CELF2: variants seen among roughly 807,000 people sequenced by gnomAD.
CELF2 encodes CUGBP Elav-like family member 2, also known as CUG triplet repeat RNA-binding protein 2.
CELF2 carries 8 observed loss-of-function variants against 62.6 expected under a neutral mutation model. That is an observed-to-expected ratio of 0.13 (90% CI 0.07 to 0.23). CELF2 has a LOEUF of 0.23. Among genes scored for constraint, CELF2 ranks in the 10% least tolerant of loss-of-function variants. The probability of loss-of-function intolerance (pLI) is 1.00; values close to 1 mark genes in which losing one functional copy is unlikely to be tolerated. For synonymous variants in CELF2, 258 were observed against 250.0 expected (o/e 1.03, Z -0.30); for missense variants, 333 against 671.0 (o/e 0.50, Z 5.56).
At chr10:11,298,187 C>G (rs945869224) in intron 9 of CELF2, among the ~76,000 whole-genome samples, 1 of 152,220 alleles carries the variant, frequency 6.6e-6, no homozygotes, top group Non-Finnish European at 1.5e-5. Flanking sequence ...AGCTCAGCCT[C>G]CAGCGTGTCC....
At chr10:11,132,971 G>A (rs548352460) in intron 1 of CELF2, among the ~76,000 whole-genome samples, 1 of 152,276 alleles carries the variant, frequency 6.6e-6, no homozygotes, top group East Asian at 1.9e-4. Flanking sequence ...ACACTAATAT[G>A]AGCAGGGATG....
At chr10:10,879,837 C>T (rs1306656445) in intron 1 of CELF2, among the ~76,000 whole-genome samples, 2 of 152,178 alleles carry the variant, frequency 1.3e-5, no homozygotes, top group East Asian at 3.9e-4. Context: ...CCCAACTCCA[C>T]ACCTGCCACT....
chr10:11,316,334 C>T lies in CELF2; in HGVS notation c.1096+2076C>T, dbSNP rs2094977823. 6.6e-6 allele frequency among the ~76,000 whole-genome samples: 1 copy of T among 152,182 alleles called. No individual in the cohort carries two copies. Among genetic ancestry groups the T allele is most frequent in the Non-Finnish European group, 1.5e-5 (1 of 68,028 alleles). Reference sequence around the variant, plus strand: ...ATTTAATTAAACCCAAAACCAGACACCAATGAAAATACATTCCTTGTGATT... The same window carrying T: ...ATTTAATTAAACCCAAAACCAGACATCAATGAAAATACATTCCTTGTGATT... On this transcript the variant is annotated intron_variant, in intron 10 of 12. Coordinates refer to ENST00000633077, the MANE Select transcript of CELF2 (RefSeq NM_001326342.2). The surrounding 1 kb of genome is among the most constrained non-coding windows in gnomAD (Gnocchi z 4.4).
the CELF2 span, among the ~76,000 whole-genome samples, chr10:10,759,838 T>C: frequency 1.3e-5 from 2 of 152,106 alleles, no homozygotes; most frequent in African/African-American, 4.8e-5. Flanking sequence ...GAAGACAAAT[T>C]ATATTCTTGA....
the CELF2 span, among the ~76,000 whole-genome samples, chr10:10,481,990 TCTTAAA>T: frequency 6.6e-6 from 1 of 152,246 alleles, no homozygotes. Flanking sequence ...TTTTGGATGT[TCTTAAA>T]CTTAAGGATC....
rs11256924 is a variant in CELF2, at chr10:10,931,893, T to G, written c.89+11894T>G. Among the ~76,000 whole-genome samples the G allele has an allele frequency of 7.3e-3, 1,105 of 152,266 alleles. 14 individuals carry two copies. The highest frequency in any genetic ancestry group is 0.025 in the African/African-American group (1,053 of 41,544). The stretch of plus-strand genomic sequence containing the variant: ...GGCAGAAGGTGAATGAGGATCAAAG[T>G]CATGTCTTACATGGTGGCTGGCAAG... On this transcript the variant is annotated intron_variant, in intron 2 of 13. Coordinates refer to the CELF2 transcript ENST00000636488. The surrounding 1 kb of genome is among the most constrained non-coding windows in gnomAD (Gnocchi z 6.1).
intron 1 of CELF2, among the ~76,000 whole-genome samples, chr10:10,870,468 C>T (rs923821459): frequency 4.6e-5 from 7 of 152,118 alleles, no homozygotes; most frequent in Admixed American, 3.9e-4. Context: ...ATGGAAACGC[C>T]GGTGTGGCTC....
At chr10:10,920,764 A>T (rs1298542371) in intron 2 of CELF2, among the ~76,000 whole-genome samples, 1 of 146,616 alleles carries the variant, frequency 6.8e-6, no homozygotes, top group Non-Finnish European at 1.5e-5. Flanking sequence ...GGGAGGCAAG[A>T]AGAAAGGAAG....
chr10:10,600,980 C>G, the CELF2 span, among the ~76,000 whole-genome samples: 4 of 151,982 alleles, frequency 2.6e-5, no homozygotes, highest in Admixed American at 1.3e-4. Flanking sequence ...CCAGAAAGTC[C>G]GACTCCAGGG....
the CELF2 span, among the ~76,000 whole-genome samples, chr10:10,464,590 A>T: frequency 6.6e-6 from 1 of 152,188 alleles, no homozygotes; most frequent in Non-Finnish European, 1.5e-5. Flanking sequence ...TCTGGCTTAA[A>T]ATAAGAAAGG....
the CELF2 span, among the ~76,000 whole-genome samples, chr10:10,512,287 A>T: frequency 6.6e-6 from 1 of 152,214 alleles, no homozygotes; most frequent in East Asian, 1.9e-4. Context: ...GCATGGCACC[A>T]CATGTCAACA....
chr10:10,891,998 G>C (rs1167627309), intron 1 of CELF2, among the ~76,000 whole-genome samples: 1 of 152,090 alleles, frequency 6.6e-6, no homozygotes, highest in Non-Finnish European at 1.5e-5. Flanking sequence ...AAATATGTTT[G>C]CCTTAATGAT....
chr10:10,797,324 G>A (rs910007520), upstream of CELF2, among the ~76,000 whole-genome samples: 1 of 151,804 alleles, frequency 6.6e-6, no homozygotes, highest in Non-Finnish European at 1.5e-5. Context: ...CCTTCTCAGG[G>A]AAGTCTCTGG....
intron 1 of CELF2, among the ~76,000 whole-genome samples, chr10:11,161,448 A>G (rs1359340525): frequency 1.3e-5 from 2 of 152,196 alleles, no homozygotes; most frequent in African/African-American, 2.4e-5. Context: ...AACTCATGGA[A>G]CGTGAAGCAG....
At chr10:10,534,347 C>G in the CELF2 span, among the ~76,000 whole-genome samples, 1 of 152,016 alleles carries the variant, frequency 6.6e-6, no homozygotes, top group East Asian at 1.9e-4. Context: ...TTTGAGGCAA[C>G]TCAGAGAACA....
the CELF2 span, among the ~76,000 whole-genome samples, chr10:10,787,555 A>C: frequency 6.6e-6 from 1 of 152,238 alleles, no homozygotes; most frequent in East Asian, 1.9e-4. Flanking sequence ...AGGAAGCCTT[A>C]GCTTTTAAAC....
At chr10:10,721,973 A>G in the CELF2 span, among the ~76,000 whole-genome samples, 1 of 152,220 alleles carries the variant, frequency 6.6e-6, no homozygotes, top group East Asian at 1.9e-4. Flanking sequence ...GGCATAGTTC[A>G]GGAAAGCTTT....
chr10:11,125,737 C>G (rs1019312111), intron 1 of CELF2, among the ~76,000 whole-genome samples: 1 of 152,196 alleles, frequency 6.6e-6, no homozygotes. Context: ...TCACTACAGC[C>G]TTAAATCCCT....
At chr10:10,815,691 A>T (rs2056389444) in intron 1 of CELF2, among the ~76,000 whole-genome samples, 2 of 151,420 alleles carry the variant, frequency 1.3e-5, no homozygotes. Context: ...TCTCTAGTTA[A>T]TTTTTTTTTG....
Sources: allele counts gnomAD v4.1 joint callset (sites outside exome capture counted in the v4.1 genomes callset), GRCh38; gene constraint gnomAD v4.1.1; non-coding constraint Gnocchi (gnomAD v3.1); transcripts MANE v1.5; gene names NCBI Gene and HGNC (gene_info 2026-07-23, HGNC 2026-07-21).